The following ASTN1 variants were observed in gnomAD, a reference collection of about 807,000 sequenced individuals.
ASTN1 encodes the protein astrotactin 1.
ASTN1 carries 41 observed loss-of-function variants against 140.7 expected under a neutral mutation model. The ratio of observed to expected loss-of-function variants is 0.29; its 90% confidence interval spans 0.23 to 0.38. The LOEUF is 0.38. Ranked by LOEUF, ASTN1 falls within the 10% of genes least tolerant of loss-of-function variation. The pLI, the probability that ASTN1 is intolerant of heterozygous loss-of-function variation, is 1.00. For missense variants in ASTN1, 1,479 were observed against 1,678.8 expected (o/e 0.88, Z 2.08); for synonymous variants, 640 against 652.2 (o/e 0.98, Z 0.29).
At chr1:177,093,741 C>T (rs1679886698) in intron 1 of ASTN1, among the ~76,000 whole-genome samples, 1 of 152,148 alleles carries the variant, frequency 6.6e-6, no homozygotes, top group Admixed American at 6.5e-5. Flanking sequence ...TTCATCAAAA[C>T]ACAAAAGAAA....
chr1:176,985,639 T>A (rs1436701312), intron 8 of ASTN1, among the ~76,000 whole-genome samples: 1 of 152,006 alleles, frequency 6.6e-6, no homozygotes, highest in Non-Finnish European at 1.5e-5. Context: ...TGGGTGCAGA[T>A]CCCTCGCTGC....
chr1:177,137,966 G>T (rs905708875), intron 1 of ASTN1, among the ~76,000 whole-genome samples: 2 of 152,180 alleles, frequency 1.3e-5, no homozygotes, highest in Non-Finnish European at 2.9e-5. Context: ...TTAAAGGAGG[G>T]AGAAGGTGCC....
chr1:177,031,030 C>A, intron 3 of ASTN1, 78 bp from the exon 4 acceptor site: 1 of 1,469,646 alleles, frequency 6.8e-7, no homozygotes, highest in Non-Finnish European at 9.2e-7. Flanking sequence ...TCTGCATAAA[C>A]CAAGAAGATA....
intron 1 of ASTN1, among the ~76,000 whole-genome samples, chr1:177,124,103 G>T (rs546121820): frequency 1.2e-4 from 19 of 152,162 alleles, no homozygotes; most frequent in African/African-American, 3.4e-4. Context: ...TTGCTTCCAG[G>T]TATACCACAT....
intron 1 of ASTN1, among the ~76,000 whole-genome samples, chr1:177,163,239 C>T (rs1434699837): frequency 6.6e-6 from 1 of 152,044 alleles, no homozygotes. Context: ...TTCTTTTTTT[C>T]TCTACTTGGA....
At chr1:176,889,936 A>C (rs911705505) in intron 17 of ASTN1, among the ~76,000 whole-genome samples, 6 of 152,196 alleles carry the variant, frequency 3.9e-5, no homozygotes, top group Non-Finnish European at 8.8e-5. Context: ...GACTGATCCA[A>C]ACTCAAAATT....
Position 176,961,696 on chromosome 1 carries a change from A to G in ASTN1, c.1599-3214T>C, listed in dbSNP as rs184221507. ...AAGTTTTCTTTCATCTGCAAAATCTACTGAGTAACTCCAAAAACCAAATAT... is the reference window on the plus strand; with the variant it reads ...AAGTTTTCTTTCATCTGCAAAATCTGCTGAGTAACTCCAAAAACCAAATAT... On this transcript the variant is annotated intron_variant, in intron 9 of 22. Transcript: ENST00000361833. 7.5e-4 allele frequency among the ~76,000 whole-genome samples: 115 copies of G among 152,350 alleles called. 1 individual carries two copies. Among genetic ancestry groups the G allele is most frequent in the Admixed American group, 6.7e-3 (102 of 15,302 alleles).
intron 14 of ASTN1, 39 bp downstream of exon 14, chr1:176,943,852 G>T (rs751464629): frequency 6.5e-7 from 1 of 1,547,028 alleles, no homozygotes; most frequent in East Asian, 2.3e-5. Flanking sequence ...GGAGCTGCCT[G>T]TTTGTGCCAG....
chr1:176,925,312 A>G (rs1670909320), intron 16 of ASTN1, among the ~76,000 whole-genome samples: 1 of 152,314 alleles, frequency 6.6e-6, no homozygotes, highest in Non-Finnish European at 1.5e-5. Flanking sequence ...AAGAGAACAC[A>G]CAGCCTTCAG....
In ASTN1 at chr1:176,864,459, T is replaced by G; in HGVS notation, c.3710A>C (p.Gln1237Pro). 1 of 1,614,170 alleles carries G rather than the reference T, an allele frequency of 6.2e-7. No homozygotes were observed. The highest frequency in any genetic ancestry group is 1.3e-5 in the African/African-American group (1 of 75,050). The stretch of plus-strand genomic sequence containing the variant: ...GCGCCGCAAGCTTATCTTGGGTTCC[T>G]GAAGGAGTCCATTGCACCAACTGCT... ...DLSSWCNGLL[Q>P]EPKISLRRSS... Residue 1237 changes from glutamine (Q) to proline (P), a missense_variant, in exon 23 of 23, where the codon CAG becomes CCG. Coordinates refer to ENST00000361833, the MANE Select transcript of ASTN1 (RefSeq NM_004319.3).
intron 15 of ASTN1, among the ~76,000 whole-genome samples, chr1:176,935,600 A>G (rs901854210): frequency 6.6e-6 from 1 of 152,156 alleles, no homozygotes; most frequent in Non-Finnish European, 1.5e-5. Flanking sequence ...ACTTAACTTC[A>G]TAACTTTTCT....
Position 177,126,271 on chromosome 1 carries a change from T to C in ASTN1, c.283+38123A>G, listed in dbSNP as rs1336885137. 2.0e-5 allele frequency among the ~76,000 whole-genome samples: 3 copies of C among 152,196 alleles called. No individual in the cohort carries two copies. The East Asian group carries it at 5.8e-4, about 29-fold the overall frequency. ...CTTGCTCCATTTTAGCTGCCCTTAG[T>C]AACTGATGAAGTTGACCTGAGCCAG... On this transcript the variant is annotated intron_variant, in intron 1 of 22. Coordinates refer to ENST00000361833, the MANE Select transcript of ASTN1 (RefSeq NM_004319.3).
chr1:177,140,440 T>C (rs1249459369), intron 1 of ASTN1, among the ~76,000 whole-genome samples: 6 of 152,190 alleles, frequency 3.9e-5, no homozygotes, highest in African/African-American at 1.4e-4. Flanking sequence ...CTTCTAAGTA[T>C]AATGTGACCC....
At chr1:177,070,308 T>A (rs935164399) in intron 1 of ASTN1, among the ~76,000 whole-genome samples, 1 of 152,236 alleles carries the variant, frequency 6.6e-6, no homozygotes, top group Non-Finnish European at 1.5e-5. Context: ...CCAAATCCTC[T>A]GTCTTATACT....
intron 7 of ASTN1, among the ~76,000 whole-genome samples, chr1:177,017,716 C>G (rs558837763): frequency 5.8e-4 from 88 of 152,262 alleles, no homozygotes; most frequent in African/African-American, 2.1e-3. Context: ...CCTGCAGGAG[C>G]ACTCATGCAA....
intron 16 of ASTN1, among the ~76,000 whole-genome samples, chr1:176,909,413 A>G (rs1269259415): frequency 6.6e-6 from 1 of 152,218 alleles, no homozygotes; most frequent in Non-Finnish European, 1.5e-5. Flanking sequence ...GTGGTTCCAA[A>G]GGGACCCTCA....
chr1:177,029,644 C>T lies in ASTN1; in HGVS notation c.1110G>A (p.Arg370=). 3 of 1,613,780 alleles carry T rather than the reference C, an allele frequency of 1.9e-6. No individual in the cohort carries two copies. Among genetic ancestry groups the T allele is most frequent in the Non-Finnish European group, 2.5e-6 (3 of 1,179,880 alleles). ...CTCTATCATTCCTACCTCTACTACG[C>T]CTCCTGCTCCTTGAAGGATCCGTGT... ...TFYTDPSRSR[R]RSRVGSPRSP... is the part of the protein sequence containing the mutation. Residue 370 remains arginine (R), a synonymous_variant, in exon 5 of 23, where the codon AGG becomes AGA. Transcript: ENST00000361833.
chr1:176,981,173 C>T (rs1673594483), intron 8 of ASTN1, among the ~76,000 whole-genome samples: 1 of 128,190 alleles, frequency 7.8e-6, no homozygotes. Flanking sequence ...GATTGCACCA[C>T]TCAACTCCAG....
rs774932385 is a variant in ASTN1, at chr1:177,032,474, C to G, written c.847G>C (p.Gly283Arg). The change falls in exon 3 of 23, where the codon GGG becomes CGG. Residue 283 changes from glycine to arginine, a missense_variant. Physicochemically the swap from Gly to Arg is moderately radical, Grantham distance 125. Around this residue, in one of 3 missense-constraint regions of ASTN1, gnomAD observed 729 missense variants for 860.4 expected, o/e 0.85. Transcript: ENST00000361833. Reference protein sequence around the residue: ...DSLQGCNEKSGMDLTPGSDNA... With the variant: ...DSLQGCNEKSRMDLTPGSDNA... The stretch of plus-strand genomic sequence containing the variant: ...TCCCCACCTGGTGTGAGGTCCATCC[C>G]CGACTTTTCATTGCAGCCCTGCAGG... 2 of 1,613,978 alleles carry G rather than the reference C, an allele frequency of 1.2e-6. No homozygotes were observed. The highest frequency in any genetic ancestry group is 1.7e-6 in the Non-Finnish European group (2 of 1,179,974).
Sources: allele counts gnomAD v4.1 joint callset (sites outside exome capture counted in the v4.1 genomes callset), GRCh38; gene constraint gnomAD v4.1.1; regional missense constraint gnomAD v4.1.1; transcripts MANE v1.5; gene names NCBI Gene and HGNC (gene_info 2026-07-23, HGNC 2026-07-21).